The following TJP1 variants were observed in gnomAD, a reference collection of about 807,000 sequenced individuals.
TJP1 encodes the protein tight junction protein ZO-1.
In TJP1, 43 loss-of-function variants were observed where a neutral mutation model predicts 194.2. That is an observed-to-expected ratio of 0.22 (90% CI 0.17 to 0.29). The LOEUF (loss-of-function observed/expected upper bound fraction) is 0.29, where lower values mean the gene tolerates loss of function less well. Ranked by LOEUF, TJP1 falls within the 10% of genes least tolerant of loss-of-function variation. TJP1 has a pLI of 1.00. For missense variants in TJP1, 1,971 were observed against 2,185.7 expected (o/e 0.90, Z 1.96); for synonymous variants, 801 against 779.0 (o/e 1.03, Z -0.47).
At chr15:29,719,376 T>TA (rs765768593) in intron 20 of TJP1, among the ~76,000 whole-genome samples, 4 of 152,206 alleles carry the variant, frequency 2.6e-5, no homozygotes, top group Non-Finnish European at 5.9e-5. Context: ...GAGTTAAAGA[T>TA]AAATATTAAA....
chr15:29,712,757 G>A (rs1387370031), intron 23 of TJP1, among the ~76,000 whole-genome samples: 2 of 151,610 alleles, frequency 1.3e-5, no homozygotes, highest in Admixed American at 6.6e-5. Flanking sequence ...TCAAAGAGTG[G>A]TGATCAAGGA....
At chr15:29,729,981 GCAAA>G (rs1187162784) in intron 15 of TJP1, among the ~76,000 whole-genome samples, 1 of 152,030 alleles carries the variant, frequency 6.6e-6, no homozygotes, top group Non-Finnish European at 1.5e-5. Context: ...GCATAAACAA[GCAAA>G]CAAAATATGG....
At chr15:29,733,753 G>A (rs956016710) in intron 12 of TJP1, among the ~76,000 whole-genome samples, 6 of 152,152 alleles carry the variant, frequency 3.9e-5, no homozygotes, top group African/African-American at 1.4e-4. Context: ...CATCTAGTGA[G>A]CAGAGGCTAG....
intron 1 of TJP1, among the ~76,000 whole-genome samples, chr15:29,960,086 T>C (rs2056099377): frequency 6.6e-6 from 1 of 152,186 alleles, no homozygotes; most frequent in Non-Finnish European, 1.5e-5. Flanking sequence ...ACATTTAATA[T>C]AAATAAATAA....
chr15:29,822,826 G>C (rs922550246), upstream of TJP1: 3 of 152,316 alleles, frequency 2.0e-5, no homozygotes, highest in African/African-American at 7.2e-5. Flanking sequence ...CGGCTGGAAA[G>C]GCCGGCAGAG....
intron 2 of TJP1, among the ~76,000 whole-genome samples, chr15:29,924,346 C>T (rs189503656): frequency 1.3e-5 from 2 of 152,258 alleles, no homozygotes; most frequent in East Asian, 3.9e-4. Flanking sequence ...GCTGGGATTA[C>T]ACGGATGAGC....
chr15:29,718,714 C>A lies in TJP1; in HGVS notation c.3428G>T (p.Arg1143Ile), dbSNP rs769391131. The change falls in exon 21 of 28, where the codon AGA (arginine) becomes ATA (isoleucine). Residue 1143 changes from arginine to isoleucine, a missense_variant. Physicochemically the swap from Arg to Ile is moderately conservative, Grantham distance 97 (BLOSUM62 -3). Coordinates refer to ENST00000614355, the MANE Select transcript of TJP1 (RefSeq NM_001330239.4). ...EEPAPLSYDS[R>I]PRYEQAPRAS... ...TCTAGGTGCCTGTTCGTAACGTGGT[C>A]TGCTGTCGTAAGACAGAGGGGCTGG... is the stretch of plus-strand genomic sequence containing the variant. The A allele has an allele frequency of 1.1e-5, 17 of 1,613,982 alleles. No individual in the cohort carries two copies. Among genetic ancestry groups the A allele is most frequent in the Non-Finnish European group, 1.4e-5 (16 of 1,180,036 alleles).
At chr15:29,723,100 G>A (rs2043030854) in intron 18 of TJP1, among the ~76,000 whole-genome samples, 2 of 152,146 alleles carry the variant, frequency 1.3e-5, no homozygotes, top group Non-Finnish European at 2.9e-5. Context: ...GAACTTCTGA[G>A]TTAATGCTGA....
chr15:29,751,910 CTTTTACTTTT>C (rs2045307647), intron 8 of TJP1, among the ~76,000 whole-genome samples: 1 of 151,838 alleles, frequency 6.6e-6, no homozygotes, highest in African/African-American at 2.4e-5. Flanking sequence ...AAACTTTATA[CTTTTACTTTT>C]TATTTTTGTA....
intron 2 of TJP1, among the ~76,000 whole-genome samples, chr15:29,906,765 C>T (rs914731388): frequency 6.6e-5 from 10 of 151,434 alleles, no homozygotes; most frequent in East Asian, 2.0e-4. Context: ...TTTTTAGTAG[C>T]GATGGGGTTT....
At chr15:29,783,132 G>C (rs931397107) in intron 2 of TJP1, among the ~76,000 whole-genome samples, 4 of 152,094 alleles carry the variant, frequency 2.6e-5, no homozygotes, top group African/African-American at 7.2e-5. Context: ...AAATTAGCCA[G>C]GCGTGGTGGT....
At chr15:29,742,015 G>A (rs563617390) in intron 9 of TJP1, among the ~76,000 whole-genome samples, 8 of 152,198 alleles carry the variant, frequency 5.3e-5, no homozygotes, top group African/African-American at 1.7e-4. Flanking sequence ...TTGAGGCCAG[G>A]AGTTGGAGAC....
chr15:29,735,163 T>C (rs1781262428), intron 11 of TJP1, among the ~76,000 whole-genome samples: 2 of 151,708 alleles, frequency 1.3e-5, no homozygotes, highest in African/African-American at 4.8e-5. Context: ...TGTGCAGGAT[T>C]ACAGGCAGGT....
Position 29,701,427 on chromosome 15 carries a change from G to T in TJP1, c.*168C>A. Reference sequence around the variant, plus strand: ...ACATGCAGTGTGTAGCATGTTTTCCGACCATGGTTCAGGGGCATGCTCACT... The same window carrying T: ...ACATGCAGTGTGTAGCATGTTTTCCTACCATGGTTCAGGGGCATGCTCACT... On this transcript the variant is annotated 3_prime_UTR_variant, in exon 28 of 28. Coordinates refer to ENST00000614355, the MANE Select transcript of TJP1 (RefSeq NM_001330239.4). 1 of 538,454 alleles carries T rather than the reference G, an allele frequency of 1.9e-6. No homozygotes were observed. Among genetic ancestry groups the T allele is most frequent in the Non-Finnish European group, 3.3e-6 (1 of 304,312 alleles). The allele number at this position is 538,454 out of a possible 1,614,324, so 33.4% of individuals were successfully genotyped here. A position where few individuals can be genotyped will look rare whatever the true frequency, so the allele number is the denominator to read the frequency against.
intron 1 of TJP1, among the ~76,000 whole-genome samples, chr15:29,819,569 T>C (rs2050182622): frequency 6.6e-6 from 1 of 152,216 alleles, no homozygotes; most frequent in African/African-American, 2.4e-5. Context: ...TAAATGACTG[T>C]GAATTTCTAA....
chr15:29,915,505 A>G (rs2054155593), intron 2 of TJP1, among the ~76,000 whole-genome samples: 1 of 152,236 alleles, frequency 6.6e-6, no homozygotes, highest in Non-Finnish European at 1.5e-5. Flanking sequence ...TTTATCAAAG[A>G]TGATTTCCAA....
intron 2 of TJP1, among the ~76,000 whole-genome samples, chr15:29,790,049 C>G (rs1204339276): frequency 6.6e-6 from 1 of 152,212 alleles, no homozygotes; most frequent in East Asian, 1.9e-4. Flanking sequence ...CTCTAATCAG[C>G]AGTCAGCACA....
Position 29,865,477 on chromosome 15 carries a change from G to A in TJP1, c.307-64775C>T, listed in dbSNP as rs192792020. Among the ~76,000 whole-genome samples the A allele has an allele frequency of 5.3e-4, 80 of 152,320 alleles. No homozygotes were observed. The East Asian group carries it at 7.5e-3, about 14-fold the overall frequency. ...AGAGTGATTTTTACAAGGAAGGAAA[G>A]TTGCCATATCTCTAAGACCCTAGGG... On this transcript the variant is annotated intron_variant, in intron 2 of 28. Transcript: ENST00000356107.
In TJP1 at chr15:29,802,439, GGAGA is replaced by G. The variant is rs1241456833; in HGVS notation, c.28-1741_28-1738del. Among the ~76,000 whole-genome samples, 16 of 152,024 alleles carry G rather than the reference GGAGA, an allele frequency of 1.1e-4. 1 individual carries two copies. The South Asian group carries it at 1.9e-3, about 18-fold the overall frequency. The stretch of plus-strand genomic sequence containing the variant: ...ATTATCCTGCCAGATGAATAAGAGA[GGAGA>G]GAGAAAGGATCTCTCTGTTCACTCC... On this transcript the variant is annotated intron_variant, in intron 1 of 27. Coordinates refer to ENST00000614355, the MANE Select transcript of TJP1 (RefSeq NM_001330239.4).
Sources: gnomAD v4.1 joint callset for allele counts (sites outside exome capture counted in the v4.1 genomes callset) on GRCh38, gnomAD v4.1.1 for gene constraint, MANE v1.5 for transcripts, NCBI Gene and HGNC (gene_info 2026-07-23, HGNC 2026-07-21) for gene names.